The following WDR33 variants were observed in gnomAD, a reference collection of about 807,000 sequenced individuals.
WDR33 encodes pre-mRNA 3' end processing protein WDR33.
Under a neutral mutation model 164.9 loss-of-function variants are expected in WDR33, and 47 were observed. The ratio of observed to expected loss-of-function variants is 0.29; its 90% confidence interval spans 0.23 to 0.36. The LOEUF is 0.36. Among genes scored for constraint, WDR33 ranks in the 10% least tolerant of loss-of-function variants. The pLI is 1.00. For synonymous variants in WDR33, 505 were observed against 589.0 expected (o/e 0.86, Z 2.06); for missense variants, 1,137 against 1,754.1 (o/e 0.65, Z 6.28).
At chr2:127,736,859 G>C in intron 7 of WDR33, 2 of 985,234 alleles carry the variant, frequency 2.0e-6, no homozygotes, top group Non-Finnish European at 2.4e-6. Context: ...CGTGGGGAAG[G>C]GTATAAACAG....
At chr2:127,752,364 G>A (rs569464735) in intron 7 of WDR33, among the ~76,000 whole-genome samples, 16 of 152,104 alleles carry the variant, frequency 1.1e-4, no homozygotes, top group Admixed American at 9.8e-4. Context: ...GCCGAGGCGG[G>A]TGGATCATGA....
chr2:127,730,014 C>T (rs1006165975), intron 7 of WDR33, among the ~76,000 whole-genome samples: 1 of 152,132 alleles, frequency 6.6e-6, no homozygotes, highest in Non-Finnish European at 1.5e-5. Context: ...TGAAAGAATA[C>T]AAAAGAATCT....
chr2:127,701,775 T>C lies in WDR33; in HGVS notation c.*4548A>G. On this transcript the variant is annotated 3_prime_UTR_variant, in exon 22 of 22. Transcript: ENST00000322313. The stretch of plus-strand genomic sequence containing the variant: ...GCAGCGGCTGGCGGCGGGCGGCGGG[T>C]GCCTGCTGCTGGCTGCACTGTGTTT... 1 of 1,427,780 alleles carries C rather than the reference T, an allele frequency of 7.0e-7. No individual in the cohort carries two copies. The highest frequency in any genetic ancestry group is 2.6e-5 in the Admixed American group (1 of 38,518). 88.4% of individuals were successfully genotyped at this position (1,427,780 alleles called of 1,614,324 possible).
intron 7 of WDR33, among the ~76,000 whole-genome samples, chr2:127,748,319 T>C (rs1400980265): frequency 2.0e-5 from 3 of 152,232 alleles, no homozygotes; most frequent in East Asian, 3.8e-4. Flanking sequence ...ACCTGCTCTA[T>C]GACAGGTGTA....
intron 1 of WDR33, among the ~76,000 whole-genome samples, chr2:127,778,363 A>G (rs771630151): frequency 1.5e-4 from 23 of 151,922 alleles, no homozygotes; most frequent in Non-Finnish European, 2.1e-4. Context: ...CTTGACCCCA[A>G]GAAGCAAAGA....
chr2:127,750,046 C>T (rs1240043445), intron 7 of WDR33, among the ~76,000 whole-genome samples: 1 of 151,966 alleles, frequency 6.6e-6, no homozygotes, highest in Non-Finnish European at 1.5e-5. Flanking sequence ...GAGGGAGGGA[C>T]AGGGTCTCAT....
intron 7 of WDR33, among the ~76,000 whole-genome samples, chr2:127,752,003 CG>C (rs370842162): frequency 6.6e-6 from 1 of 152,238 alleles, no homozygotes; most frequent in Non-Finnish European, 1.5e-5. Flanking sequence ...ACGGGGTGGA[CG>C]CAGAGGGTAA....
At chr2:127,774,703 G>A (rs189199958) in intron 1 of WDR33, among the ~76,000 whole-genome samples, 2,167 of 152,102 alleles carry the variant, frequency 0.014, 65 homozygotes, top group African/African-American at 0.05. Flanking sequence ...GGTGGCGGGC[G>A]CCTGTAGTCC....
In WDR33 at chr2:127,764,370, G is replaced by A. The variant is rs550935783; in HGVS notation, c.626+458C>T. 23 of 1,423,556 alleles carry A rather than the reference G, an allele frequency of 1.6e-5. No homozygotes were observed. The highest frequency in any genetic ancestry group is 3.2e-5 in the Admixed American group (1 of 31,162). 88.2% of individuals were successfully genotyped at this position (1,423,556 alleles called of 1,614,324 possible). ...AGTCCTATACTTTCCTTTGGAAGTCGTGGCATAACCAAGCCAACCAGGTCT... is the reference window on the plus strand; with the variant it reads ...AGTCCTATACTTTCCTTTGGAAGTCATGGCATAACCAAGCCAACCAGGTCT... On this transcript the variant is annotated intron_variant, in intron 6 of 21. Coordinates refer to ENST00000322313, the MANE Select transcript of WDR33 (RefSeq NM_018383.5). This position sits in a 1 kb window ranked among gnomAD's most constrained non-coding sequence, Gnocchi z 6.2.
chr2:127,727,938 G>A (rs541990157), intron 7 of WDR33, among the ~76,000 whole-genome samples: 21 of 152,198 alleles, frequency 1.4e-4, no homozygotes, highest in Admixed American at 2.6e-4. Context: ...ATTTGTACCC[G>A]TTCATAAGGG....
chr2:127,800,639 A>C (rs78983316), intron 1 of WDR33, among the ~76,000 whole-genome samples: 1 of 147,032 alleles, frequency 6.8e-6, no homozygotes, highest in African/African-American at 2.6e-5. Context: ...TCCGTCTCAA[A>C]AAAAAAAAAA....
At chr2:127,762,917 T>C (rs1486625816) in intron 7 of WDR33, 145 bp downstream of exon 7, 7 of 1,437,336 alleles carry the variant, frequency 4.9e-6, no homozygotes, top group Non-Finnish European at 6.4e-6. Context: ...GAGAAAGTGC[T>C]GGGTTTTTTT....
chr2:127,715,310 C>A lies in WDR33; in HGVS notation c.2870-1289G>T, dbSNP rs371251866. Among the ~76,000 whole-genome samples, 70 of 152,202 alleles carry A rather than the reference C, an allele frequency of 4.6e-4. No individual in the cohort carries two copies. In the East Asian group the frequency reaches 0.012, roughly 26 times the overall value. ...ATGTTGGCCAGGCTAGTCTTGAACTCCTGACCTCAAGTGATACACCCAGTC... is the reference window on the plus strand; with the variant it reads ...ATGTTGGCCAGGCTAGTCTTGAACTACTGACCTCAAGTGATACACCCAGTC... On this transcript the variant is annotated intron_variant, in intron 17 of 21. Transcript: ENST00000322313.
At chr2:127,796,499 A>G (rs1251101360) in intron 1 of WDR33, among the ~76,000 whole-genome samples, 2 of 151,948 alleles carry the variant, frequency 1.3e-5, no homozygotes, top group Admixed American at 1.3e-4. Context: ...CCATTGCTTG[A>G]GCTCAAGAGT....
At chr2:127,778,909 T>C (rs1244195913) in intron 1 of WDR33, among the ~76,000 whole-genome samples, 1 of 152,146 alleles carries the variant, frequency 6.6e-6, no homozygotes, top group Admixed American at 6.6e-5. Context: ...CTAAAACACA[T>C]AGGAAAATGA....
In WDR33 at chr2:127,719,381, C is replaced by T. The variant is rs1301282616; in HGVS notation, c.2644G>A (p.Gly882Arg). ...PPQGGMQGPP[G>R]PQGQQNPARG... ...GCTGGGTTCTGCTGTCCCTGAGGTCCGGGGGGTCCTTGCATGCCACCCTGG... is the reference window on the plus strand; with the variant it reads ...GCTGGGTTCTGCTGTCCCTGAGGTCTGGGGGGTCCTTGCATGCCACCCTGG... The change falls in exon 16 of 22, where the codon GGA becomes AGA. Residue 882 changes from glycine (G) to arginine (R), a missense_variant. By Grantham distance (125) the Gly-to-Arg change is moderately radical. Transcript: ENST00000322313. The surrounding 1 kb of genome is among the most constrained non-coding windows in gnomAD (Gnocchi z 6.5). The T allele has an allele frequency of 2.6e-6, 4 of 1,521,260 alleles. No individual in the cohort carries two copies. Among genetic ancestry groups the T allele is most frequent in the Admixed American group, 2.2e-5 (1 of 44,816 alleles). 94.2% of individuals were successfully genotyped at this position (1,521,260 alleles called of 1,614,324 possible).
intron 7 of WDR33, among the ~76,000 whole-genome samples, chr2:127,755,672 A>G (rs907971268): frequency 2.0e-5 from 3 of 152,220 alleles, no homozygotes; most frequent in African/African-American, 7.2e-5. Flanking sequence ...AGTTCACTTC[A>G]GAAGTGTACA....
Position 127,738,626 on chromosome 2 carries a change from A to C in WDR33, c.725-11849T>G, listed in dbSNP as rs1188229530. Among the ~76,000 whole-genome samples, 3 of 152,190 alleles carry C rather than the reference A, an allele frequency of 2.0e-5. No homozygotes were observed. Among genetic ancestry groups the C allele is most frequent in the Admixed American group, 2.0e-4 (3 of 15,278 alleles). ...TAGTATACATCCATGACATGGTATG[A>C]TGAAAATGGCACTTTACCTGTGTGA... On this transcript the variant is annotated intron_variant, in intron 7 of 21. Transcript: ENST00000322313. This position sits in a 1 kb window ranked among gnomAD's most constrained non-coding sequence, Gnocchi z 4.4.
chr2:127,728,464 G>A (rs1686622232), intron 7 of WDR33, among the ~76,000 whole-genome samples: 1 of 152,108 alleles, frequency 6.6e-6, no homozygotes, highest in African/African-American at 2.4e-5. Context: ...AGGTGGTATT[G>A]ATTCTCTCTC....
Sources: allele counts gnomAD v4.1 joint callset (sites outside exome capture counted in the v4.1 genomes callset), GRCh38; gene constraint gnomAD v4.1.1; non-coding constraint Gnocchi (gnomAD v3.1); transcripts MANE v1.5; gene names NCBI Gene and HGNC (gene_info 2026-07-23, HGNC 2026-07-21).